SYTL3: variants seen among roughly 807,000 people sequenced by gnomAD.
The protein encoded by SYTL3 is synaptotagmin like 3.
A neutral mutation model predicts 82.1 loss-of-function variants in SYTL3; 88 were observed. The observed-to-expected ratio is 1.07, with a 90% confidence interval of 0.90 to 1.28. The LOEUF is 1.28. Ranked by LOEUF, SYTL3 falls within the 50% of genes most tolerant of loss-of-function variation. The probability of loss-of-function intolerance (pLI) is 0.00; values close to 1 mark genes in which losing one functional copy is unlikely to be tolerated. For missense variants in SYTL3, 831 were observed against 757.6 expected, an observed-to-expected ratio of 1.10 and a Z score of -1.14; for synonymous variants, 311 against 289.4, an observed-to-expected ratio of 1.07 and a Z score of -0.76.
At chr6:158,713,708 C>A in intron 8 of SYTL3, 92 bp from the exon 9 acceptor site, 1 of 883,388 alleles carries the variant, frequency 1.1e-6, no homozygotes, top group East Asian at 2.6e-5. Flanking sequence ...CACCCACATG[C>A]CAGTGTTTTG....
intron 6 of SYTL3, among the ~76,000 whole-genome samples, chr6:158,699,343 G>T (rs961496603): frequency 6.6e-6 from 1 of 152,196 alleles, no homozygotes; most frequent in Non-Finnish European, 1.5e-5. Flanking sequence ...ATGGTTGGGG[G>T]TTAGCGTCCT....
rs548528606 is a variant in SYTL3 at position 158,758,694 on chromosome 6, T to A, written c.1308+1313T>A. Among the ~76,000 whole-genome samples, 223 of 151,994 alleles carry A rather than the reference T, an allele frequency of 1.5e-3. 1 individual carries two copies. Among genetic ancestry groups the A allele is most frequent in the Non-Finnish European group, 1.7e-3 (117 of 67,950 alleles). ...CCACTCTCCCACTGCCTGTGCTGACTCCCCCAAGCTAGAGTCCGGGCTTAG... is the reference window on the plus strand; with the variant it reads ...CCACTCTCCCACTGCCTGTGCTGACACCCCCAAGCTAGAGTCCGGGCTTAG... On this transcript the variant is annotated intron_variant, in intron 14 of 17. Transcript: ENST00000611299.
intron 6 of SYTL3, among the ~76,000 whole-genome samples, chr6:158,703,767 C>T (rs1266863770): frequency 6.6e-6 from 1 of 151,724 alleles, no homozygotes; most frequent in African/African-American, 2.4e-5. Flanking sequence ...ACCTGCGGGT[C>T]CCCCTGCATG....
At chr6:158,749,390 G>GAAAAAAAAA (rs1167978441) in intron 12 of SYTL3, among the ~76,000 whole-genome samples, 2 of 52,148 alleles carry the variant, frequency 3.8e-5, no homozygotes, top group Non-Finnish European at 3.6e-5. Flanking sequence ...GACTCTGTCT[G>GAAAAAAAAA]AAAAAAAAAA....
rs759551574 is a variant in SYTL3 at position 158,762,248 on chromosome 6, A to G, written c.1517+70A>G. Reference sequence around the variant, plus strand: ...CATCACAACATGGCCCAGAACCTGCAGCGAACACTAAAAAACGTAAGCCAC... The same window carrying G: ...CATCACAACATGGCCCAGAACCTGCGGCGAACACTAAAAAACGTAAGCCAC... On this transcript the variant is annotated intron_variant, in intron 16 of 17. Coordinates refer to ENST00000611299, the MANE Select transcript of SYTL3 (RefSeq NM_001242394.2). 2.7e-4 allele frequency: 303 copies of G among 1,118,662 alleles called. 1 individual carries two copies. The highest frequency in any genetic ancestry group is 3.5e-4 in the Non-Finnish European group (265 of 761,488). 69.3% of individuals were successfully genotyped at this position (1,118,662 alleles called of 1,614,324 possible). A position where few individuals can be genotyped will look rare whatever the true frequency, so the allele number is the denominator to read the frequency against.
At chr6:158,757,501 C>T (rs915445701) in intron 14 of SYTL3, 120 bp downstream of exon 14, 17 of 1,118,530 alleles carry the variant, frequency 1.5e-5, no homozygotes, top group East Asian at 4.8e-5. Context: ...ACTGTGTGTT[C>T]GCCGGCCTGG....
intron 9 of SYTL3, among the ~76,000 whole-genome samples, chr6:158,715,522 G>C (rs898808629): frequency 6.6e-6 from 1 of 151,440 alleles, no homozygotes; most frequent in Non-Finnish European, 1.5e-5. Flanking sequence ...CTAGTCCCTG[G>C]GCGAGGTGTG....
At chr6:158,691,262 G>T (rs564073847) in intron 6 of SYTL3, among the ~76,000 whole-genome samples, 2 of 151,900 alleles carry the variant, frequency 1.3e-5, no homozygotes, top group African/African-American at 2.4e-5. Flanking sequence ...CAGGAGAATC[G>T]CTTGAACCTG....
chr6:158,666,693 A>G lies in SYTL3; in HGVS notation c.329+1080A>G, dbSNP rs901097707. On this transcript the variant is annotated intron_variant, in intron 5 of 17. Coordinates refer to ENST00000611299, the MANE Select transcript of SYTL3 (RefSeq NM_001242394.2). ...GACAAAGACTGTGGGAGGCACTTAC[A>G]CAGTGTGGGCATTGTGGCTGGGGTT... 3.3e-4 allele frequency among the ~76,000 whole-genome samples: 50 copies of G among 152,234 alleles called. 1 individual carries two copies. Among genetic ancestry groups the G allele is most frequent in the Non-Finnish European group, 5.4e-4 (37 of 68,044 alleles).
intron 13 of SYTL3, among the ~76,000 whole-genome samples, chr6:158,755,199 C>A (rs1056435343): frequency 2.6e-5 from 4 of 152,066 alleles, no homozygotes; most frequent in African/African-American, 4.8e-5. Flanking sequence ...AAAGATTAGC[C>A]GGGCATGGCG....
chr6:158,759,478 G>A (rs1005665442), intron 14 of SYTL3, among the ~76,000 whole-genome samples: 13 of 152,214 alleles, frequency 8.5e-5, no homozygotes, highest in Non-Finnish European at 1.9e-4. Context: ...TGGTGGACCG[G>A]ATGTGTCAAG....
At chr6:158,720,659 G>A (rs191612474) in intron 10 of SYTL3, among the ~76,000 whole-genome samples, 9 of 152,276 alleles carry the variant, frequency 5.9e-5, no homozygotes, top group Admixed American at 5.9e-4. Context: ...CACTGACTTG[G>A]GGTTAACCAG....
chr6:158,658,634 G>C (rs940835153), intron 2 of SYTL3, among the ~76,000 whole-genome samples: 9 of 152,050 alleles, frequency 5.9e-5, no homozygotes, highest in Admixed American at 1.3e-4. Context: ...TTAAACAGAA[G>C]AGTACGTCGG....
rs575578669 is a variant in SYTL3 at position 158,757,739 on chromosome 6, C to T, written c.1308+358C>T. On this transcript the variant is annotated intron_variant, in intron 14 of 17. Transcript: ENST00000611299. ...CCTGGGGGCACCGCCCGCAGCTATG[C>T]GGTCCCCCAGGGGGCTACAGTGTGT... Among the ~76,000 whole-genome samples, 166 of 152,350 alleles carry T rather than the reference C, an allele frequency of 1.1e-3. 2 individuals carry two copies. The highest frequency in any genetic ancestry group is 3.7e-3 in the African/African-American group (154 of 41,592).
At chr6:158,733,221 A>G (rs967277262) in intron 11 of SYTL3, among the ~76,000 whole-genome samples, 2 of 152,206 alleles carry the variant, frequency 1.3e-5, no homozygotes, top group Non-Finnish European at 2.9e-5. Context: ...ACAGGCACAT[A>G]CAGCTCGCAG....
chr6:158,752,147 C>T (rs565643804), intron 13 of SYTL3, 117 bp downstream of exon 13: 2 of 560,954 alleles, frequency 3.6e-6, no homozygotes, highest in Admixed American at 8.2e-5. Flanking sequence ...ATAATACAGA[C>T]ACCTATATGT....
At chr6:158,707,170 A>G (rs561877407) in intron 6 of SYTL3, 60 bp from the exon 7 acceptor site, 2 of 1,505,032 alleles carry the variant, frequency 1.3e-6, no homozygotes, top group Non-Finnish European at 9.2e-7. Flanking sequence ...TATTTCCTGT[A>G]TTTACATTAG....
At chr6:158,652,169 C>A (rs1216192088) in intron 2 of SYTL3, among the ~76,000 whole-genome samples, 1 of 152,022 alleles carries the variant, frequency 6.6e-6, no homozygotes, top group Non-Finnish European at 1.5e-5. Flanking sequence ...CTCAGGTGAT[C>A]CACCCACCTC....
intron 6 of SYTL3, among the ~76,000 whole-genome samples, chr6:158,688,887 CAT>C (rs1231370412): frequency 3.3e-5 from 5 of 152,200 alleles, no homozygotes; most frequent in Non-Finnish European, 7.3e-5. Context: ...GGCAATTTCA[CAT>C]GAGTCAGGCT....
Sources: gnomAD v4.1 joint callset for allele counts (sites outside exome capture counted in the v4.1 genomes callset) on GRCh38, gnomAD v4.1.1 for gene constraint, MANE v1.5 for transcripts, NCBI Gene and HGNC (gene_info 2026-07-23, HGNC 2026-07-21) for gene names.